The following TBC1D22A variants were observed in gnomAD, a reference collection of about 807,000 sequenced individuals.
The protein encoded by TBC1D22A is putative GTPase activator.
TBC1D22A carries 38 observed loss-of-function variants against 60.2 expected under a neutral mutation model. The observed-to-expected ratio is 0.63, with a 90% CI of 0.49 to 0.83. The LOEUF (loss-of-function observed/expected upper bound fraction) is 0.83. Ranked by LOEUF, TBC1D22A falls within the 40% of genes least tolerant of loss-of-function variation. TBC1D22A has a pLI of 0.00. For missense variants in TBC1D22A, 628 were observed against 701.0 expected (o/e 0.90, Z 1.18); for synonymous variants, 302 against 281.7 (o/e 1.07, Z -0.72).
intron 11 of TBC1D22A, among the ~76,000 whole-genome samples, chr22:47,066,770 C>T (rs899845218): frequency 2.6e-5 from 4 of 152,128 alleles, no homozygotes; most frequent in South Asian, 2.1e-4. Flanking sequence ...GAACTTTGCT[C>T]GACCCCCTGG....
intron 12 of TBC1D22A, among the ~76,000 whole-genome samples, chr22:47,146,071 G>A (rs1357811613): frequency 2.0e-5 from 3 of 151,490 alleles, no homozygotes; most frequent in Non-Finnish European, 4.4e-5. Flanking sequence ...GTCCCGTGCT[G>A]TTCCTTAAAG....
chr22:46,801,065 A>G (rs2084875776), intron 4 of TBC1D22A, among the ~76,000 whole-genome samples: 1 of 152,366 alleles, frequency 6.6e-6, no homozygotes, highest in African/African-American at 2.4e-5. Flanking sequence ...GGGAGTATGT[A>G]GGGCTAGATT....
chr22:47,100,545 T>A (rs2065373362), intron 11 of TBC1D22A, among the ~76,000 whole-genome samples: 2 of 152,044 alleles, frequency 1.3e-5, no homozygotes, highest in African/African-American at 2.4e-5. Context: ...TGGGGGCAGG[T>A]CTTTCCCATG....
intron 12 of TBC1D22A, among the ~76,000 whole-genome samples, chr22:47,160,714 A>T (rs1435238530): frequency 6.6e-6 from 1 of 152,178 alleles, no homozygotes; most frequent in African/African-American, 2.4e-5. Context: ...TTCTCTTACT[A>T]AGTTTTCCAT....
At chr22:46,956,068 G>C (rs1346239518) in intron 8 of TBC1D22A, among the ~76,000 whole-genome samples, 3 of 152,060 alleles carry the variant, frequency 2.0e-5, no homozygotes. Flanking sequence ...AAAAACAATA[G>C]GACATAAAAC....
rs1038437680 is a variant in TBC1D22A, at chr22:46,891,492, C to T, written c.837+98C>T. 8.0e-6 allele frequency: 11 copies of T among 1,372,460 alleles called. No homozygotes were observed. In the Admixed American group the frequency reaches 2.7e-4, roughly 34 times the overall value. 85.0% of individuals were successfully genotyped at this position (1,372,460 alleles called of 1,614,324 possible). On this transcript the variant is annotated intron_variant, in intron 6 of 12. Coordinates refer to ENST00000337137, the MANE Select transcript of TBC1D22A (RefSeq NM_014346.5). ...TTTATCAAAACCATGTGGAGTTGGT[C>T]AGAGTTAAAGATGCAGGTCCCTGAT...
chr22:46,974,314 A>G lies in TBC1D22A; in HGVS notation c.1040A>G (p.Asp347Gly). The G allele has an allele frequency of 6.2e-7, 1 of 1,601,594 alleles. No individual in the cohort carries two copies. Among genetic ancestry groups the G allele is most frequent in the Non-Finnish European group, 8.5e-7 (1 of 1,174,406 alleles). Residue 347 changes from aspartate to glycine, a missense_variant, in exon 9 of 13, where the codon GAC becomes GGC. Physicochemically the swap from Asp to Gly is moderately conservative, Grantham distance 94 (BLOSUM62 -1). Transcript: ENST00000337137. ...GAGGCAGAGGAGGTGGACACGGTGGACGTCTCCGGCGTGCCCGCAGAGGTG... is the reference window on the plus strand; with the variant it reads ...GAGGCAGAGGAGGTGGACACGGTGGGCGTCTCCGGCGTGCCCGCAGAGGTG... ...YIEAEEVDTV[D>G]VSGVPAEVLC...
At chr22:47,042,261 A>G (rs914584357) in intron 11 of TBC1D22A, among the ~76,000 whole-genome samples, 2 of 152,212 alleles carry the variant, frequency 1.3e-5, no homozygotes, top group South Asian at 2.1e-4. Flanking sequence ...CAGGCTGTGC[A>G]TGGCTGGAGC....
chr22:46,909,513 G>C (rs2069745144), intron 7 of TBC1D22A, among the ~76,000 whole-genome samples: 1 of 152,208 alleles, frequency 6.6e-6, no homozygotes, highest in Non-Finnish European at 1.5e-5. Context: ...GACACACGTG[G>C]AGGGATGTCA....
chr22:46,805,446 C>T (rs1300112804), intron 4 of TBC1D22A, among the ~76,000 whole-genome samples: 1 of 152,354 alleles, frequency 6.6e-6, no homozygotes, highest in East Asian at 1.9e-4. Context: ...TAGCTGTTGG[C>T]ACTGGTTCAC....
chr22:46,898,648 A>G (rs1303712941), intron 7 of TBC1D22A, among the ~76,000 whole-genome samples: 1 of 152,106 alleles, frequency 6.6e-6, no homozygotes, highest in Non-Finnish European at 1.5e-5. Context: ...TCAGATATGC[A>G]TTTGTGTCTG....
chr22:47,010,473 G>T (rs1159212071), intron 10 of TBC1D22A, among the ~76,000 whole-genome samples: 1 of 152,226 alleles, frequency 6.6e-6, no homozygotes, highest in Admixed American at 6.5e-5. Flanking sequence ...GCGACCTAAG[G>T]TGTGTGTGGA....
Position 46,777,180 on chromosome 22 carries a change from A to G in TBC1D22A, c.62+14332A>G, listed in dbSNP as rs1297615534. On this transcript the variant is annotated intron_variant, in intron 1 of 12. Coordinates refer to ENST00000337137, the MANE Select transcript of TBC1D22A (RefSeq NM_014346.5). This position sits in a 1 kb window ranked among gnomAD's most constrained non-coding sequence, Gnocchi z 4.5. ...TGGCAGTTCTGGAGGTGGTCACAGG[A>G]GATACATGGTCAGAATGAGAGAAAA... is the stretch of plus-strand genomic sequence containing the variant. 6.6e-6 allele frequency among the ~76,000 whole-genome samples: 1 copy of G among 152,100 alleles called. No individual in the cohort carries two copies. Among genetic ancestry groups the G allele is most frequent in the Non-Finnish European group, 1.5e-5 (1 of 68,004 alleles).
chr22:47,160,957 C>T (rs1360112596), intron 12 of TBC1D22A, among the ~76,000 whole-genome samples: 1 of 150,730 alleles, frequency 6.6e-6, no homozygotes, highest in Non-Finnish European at 1.5e-5. Context: ...ACCCCGGGGG[C>T]CTTGGCTGCT....
At chr22:47,033,612 C>T (rs982182577) in intron 10 of TBC1D22A, among the ~76,000 whole-genome samples, 1 of 152,142 alleles carries the variant, frequency 6.6e-6, no homozygotes, top group Non-Finnish European at 1.5e-5. Context: ...TAAATGCTTC[C>T]ATAGAGGTGT....
At chr22:47,128,563 C>T (rs2066572914) in intron 12 of TBC1D22A, among the ~76,000 whole-genome samples, 1 of 151,226 alleles carries the variant, frequency 6.6e-6, no homozygotes. Context: ...AGGCACTTTG[C>T]AAAGAAGAGA....
chr22:46,955,950 C>T (rs542035766), intron 8 of TBC1D22A, among the ~76,000 whole-genome samples: 15 of 152,322 alleles, frequency 9.8e-5, no homozygotes, highest in Admixed American at 4.6e-4. Context: ...CCCAGATGCC[C>T]ACCGATAGAG....
chr22:46,890,172 G>A (rs1206988618), intron 5 of TBC1D22A, among the ~76,000 whole-genome samples: 2 of 151,652 alleles, frequency 1.3e-5, no homozygotes, highest in East Asian at 1.9e-4. Flanking sequence ...AGTGAAACCC[G>A]TACTAAAAAT....
At chr22:46,985,269 G>T (rs978181058) in intron 9 of TBC1D22A, among the ~76,000 whole-genome samples, 1 of 152,154 alleles carries the variant, frequency 6.6e-6, no homozygotes, top group African/African-American at 2.4e-5. Context: ...GGCCTGGGGT[G>T]GGGGAATGAA....
Sources: gnomAD v4.1 joint callset for allele counts (sites outside exome capture counted in the v4.1 genomes callset) on GRCh38, gnomAD v4.1.1 for gene constraint, Gnocchi (gnomAD v3.1) non-coding constraint, MANE v1.5 for transcripts, NCBI Gene and HGNC (gene_info 2026-07-23, HGNC 2026-07-21) for gene names.